TAC4: variants seen among roughly 807,000 people sequenced by gnomAD.
TAC4 encodes the protein tachykinin precursor 4.
TAC4 carries 17 observed loss-of-function variants against 17.7 expected under a neutral mutation model. The observed-to-expected ratio is 0.96, with a 90% confidence interval of 0.66 to 1.44. The LOEUF (loss-of-function observed/expected upper bound fraction) is 1.44, where lower values mean the gene tolerates loss of function less well. Among genes scored for constraint, TAC4 ranks in the 40% most tolerant of loss-of-function variants. The pLI is 0.00. For missense variants in TAC4, 118 were observed against 125.6 expected (o/e 0.94, Z 0.29); for synonymous variants, 62 against 52.4 (o/e 1.18, Z -0.79).
At chr17:49,844,928 G>A (rs887773955) in intron 1 of TAC4, among the ~76,000 whole-genome samples, 2 of 152,216 alleles carry the variant, frequency 1.3e-5, no homozygotes, top group Non-Finnish European at 2.9e-5. Context: ...GCATTTTACA[G>A]ATGGAGAAAC....
intron 3 of TAC4, 137 bp from the exon 4 acceptor site, chr17:49,840,046 C>T: frequency 1.4e-6 from 1 of 694,448 alleles, no homozygotes; most frequent in South Asian, 2.0e-5. Context: ...GATCATTTCT[C>T]TGTCATCCCG....
chr17:49,847,250 G>C (rs1360542335), intron 1 of TAC4: 46 of 1,289,644 alleles, frequency 3.6e-5, no homozygotes, highest in Non-Finnish European at 4.6e-5. Context: ...ACCCGTCTTT[G>C]TCTCTGGCTT....
chr17:49,842,967 G>T (rs1337528645), intron 2 of TAC4, among the ~76,000 whole-genome samples: 7 of 152,150 alleles, frequency 4.6e-5, no homozygotes, highest in East Asian at 1.9e-4. Flanking sequence ...GGCCACAAGG[G>T]TTAAGGATAC....
At chr17:49,840,004 G>T in intron 3 of TAC4, 95 bp from the exon 4 acceptor site, 4 of 1,248,964 alleles carry the variant, frequency 3.2e-6, no homozygotes, top group Non-Finnish European at 4.6e-6. Flanking sequence ...CCAGGGCGAG[G>T]GCCGGGGCCA....
At chr17:49,843,207 A>G (rs1390656649) in intron 2 of TAC4, among the ~76,000 whole-genome samples, 1 of 152,244 alleles carries the variant, frequency 6.6e-6, no homozygotes, top group African/African-American at 2.4e-5. Flanking sequence ...TTTCACACCA[A>G]GCCAACACGG....
rs112866703 is a variant in TAC4, at chr17:49,840,074, G to A, written c.233-165C>T. Reference sequence around the variant, plus strand: ...TCATCCCGAGAGGCGAGGAAACACCGTGGACTGATTAATTTATTCACTAGT... The same window carrying A: ...TCATCCCGAGAGGCGAGGAAACACCATGGACTGATTAATTTATTCACTAGT... On this transcript the variant is annotated intron_variant, in intron 3 of 4. Coordinates refer to ENST00000436235, the MANE Select transcript of TAC4 (RefSeq NM_001077506.2). Among the ~76,000 whole-genome samples the A allele has an allele frequency of 6.4e-3, 974 of 152,336 alleles. 8 individuals carry two copies. The highest frequency in any genetic ancestry group is 0.03 in the South Asian group (145 of 4,828).
chr17:49,840,968 C>T (rs1004771053), intron 3 of TAC4, among the ~76,000 whole-genome samples: 1 of 150,002 alleles, frequency 6.7e-6, no homozygotes, highest in Non-Finnish European at 1.5e-5. Context: ...CAACCCCTGC[C>T]TCCTGGGTTC....
chr17:49,842,048 C>T (rs988321879), intron 2 of TAC4, among the ~76,000 whole-genome samples: 29 of 151,054 alleles, frequency 1.9e-4, no homozygotes, highest in African/African-American at 7.1e-4. Flanking sequence ...GGACTACAGG[C>T]GCCCGCCACC....
chr17:49,846,122 T>C (rs2074536545), intron 1 of TAC4: 1 of 992,162 alleles, frequency 1.0e-6, no homozygotes, highest in Non-Finnish European at 1.4e-6. Context: ...TCGGAGACAT[T>C]GGTTTCCCAT....
Position 49,840,033 on chromosome 17 carries a change from T to C in TAC4, c.233-124A>G, listed in dbSNP as rs1425167199. On this transcript the variant is annotated intron_variant, in intron 3 of 4. Coordinates refer to ENST00000436235, the MANE Select transcript of TAC4 (RefSeq NM_001077506.2). ...GGGGCCAGGGCTGGGGCCTTGCAAA[T>C]GGGATCATTTCTCTGTCATCCCGAG... The C allele has an allele frequency of 7.8e-6, 6 of 768,572 alleles. 1 individual carries two copies. The highest frequency in any genetic ancestry group is 5.6e-5 in the South Asian group (3 of 53,892). 47.6% of individuals were successfully genotyped at this position (768,572 alleles called of 1,614,324 possible).
intron 1 of TAC4, chr17:49,847,346 G>A: frequency 9.4e-7 from 1 of 1,058,994 alleles, no homozygotes; most frequent in Non-Finnish European, 1.2e-6. Context: ...AGGAGTGGGG[G>A]TAGTGCAGAT....
chr17:49,840,799 A>G (rs2074491614), intron 3 of TAC4, among the ~76,000 whole-genome samples: 1 of 147,838 alleles, frequency 6.8e-6, no homozygotes, highest in Non-Finnish European at 1.5e-5. Context: ...CACCACACCC[A>G]CCTGGCCAGT....
In TAC4 at chr17:49,838,579, G is replaced by A. The variant is rs2074473369; in HGVS notation, c.*63C>T. 2 of 1,604,348 alleles carry A rather than the reference G, an allele frequency of 1.2e-6. No individual in the cohort carries two copies. Among genetic ancestry groups the A allele is most frequent in the Admixed American group, 1.7e-5 (1 of 59,870 alleles). On this transcript the variant is annotated 3_prime_UTR_variant, in exon 5 of 5. Coordinates refer to ENST00000436235, the MANE Select transcript of TAC4 (RefSeq NM_001077506.2). Reference sequence around the variant, plus strand: ...AGAGAGTTGGCCTGCCGGCTTGTCAGCTGTGACATCCAGGTAGGAAGAAGC... The same window carrying A: ...AGAGAGTTGGCCTGCCGGCTTGTCAACTGTGACATCCAGGTAGGAAGAAGC...
At chr17:49,840,368 G>A (rs988649289) in intron 3 of TAC4, among the ~76,000 whole-genome samples, 7 of 152,352 alleles carry the variant, frequency 4.6e-5, no homozygotes, top group South Asian at 2.1e-4. Flanking sequence ...GGCAGTCAGG[G>A]AAGGAGAGCT....
chr17:49,840,598 G>A (rs1021449113), intron 3 of TAC4, among the ~76,000 whole-genome samples: 1 of 152,092 alleles, frequency 6.6e-6, no homozygotes, highest in African/African-American at 2.4e-5. Flanking sequence ...TGCCTCCCGG[G>A]TTCAAGCGAT....
chr17:49,841,357 A>G (rs1025726203), intron 3 of TAC4, among the ~76,000 whole-genome samples, 195 bp downstream of exon 3: 1 of 148,110 alleles, frequency 6.8e-6, no homozygotes, highest in African/African-American at 2.5e-5. Context: ...GCCGCTCCTT[A>G]GGACCACCCC....
At chr17:49,840,012 C>A in intron 3 of TAC4, 103 bp from the exon 4 acceptor site, 1 of 1,121,188 alleles carries the variant, frequency 8.9e-7, no homozygotes. Flanking sequence ...AGGGCCGGGG[C>A]CAGGGCTGGG....
chr17:49,841,182 T>C (rs925565336), intron 3 of TAC4, among the ~76,000 whole-genome samples: 1 of 151,856 alleles, frequency 6.6e-6, no homozygotes, highest in African/African-American at 2.4e-5. Context: ...CACTGCCTGG[T>C]CCAGATTTGC....
chr17:49,841,479 T>A (rs745970775), intron 3 of TAC4, 73 bp downstream of exon 3: 12 of 1,456,642 alleles, frequency 8.2e-6, no homozygotes, highest in Non-Finnish European at 1.0e-5. Flanking sequence ...CTCACCCACC[T>A]GGTTTGTTTG....
Sources: gnomAD v4.1 joint callset for allele counts (sites outside exome capture counted in the v4.1 genomes callset) on GRCh38, gnomAD v4.1.1 for gene constraint, MANE v1.5 for transcripts, NCBI Gene and HGNC (gene_info 2026-07-23, HGNC 2026-07-21) for gene names.